Variants in SEZ6L observed in about 807,000 individuals in gnomAD.
The protein encoded by SEZ6L is seizure 6-like protein.
SEZ6L carries 37 observed loss-of-function variants against 106.2 expected under a neutral mutation model. That is an observed-to-expected ratio of 0.35 (90% confidence interval 0.27 to 0.46). The LOEUF (loss-of-function observed/expected upper bound fraction) is 0.46. SEZ6L is among the 20% of genes least tolerant of loss of function. SEZ6L has a pLI of 1.00. For missense variants in SEZ6L, 1,172 were observed against 1,332.8 expected, an observed-to-expected ratio of 0.88 and a Z score of 1.88; for synonymous variants, 541 against 570.4, an observed-to-expected ratio of 0.95 and a Z score of 0.73.
At chr22:26,249,222 GTTAA>G (rs1389323948) in intron 1 of SEZ6L, among the ~76,000 whole-genome samples, 6 of 152,038 alleles carry the variant, frequency 3.9e-5, no homozygotes, top group African/African-American at 7.3e-5. Flanking sequence ...ACAATCAATT[GTTAA>G]TTATAGTCAC....
At chr22:26,259,619 T>A (rs1205281092) in intron 1 of SEZ6L, among the ~76,000 whole-genome samples, 1 of 152,208 alleles carries the variant, frequency 6.6e-6, no homozygotes, top group Non-Finnish European at 1.5e-5. Context: ...CTGAGGCTTC[T>A]TAACACAGGT....
chr22:26,377,627 C>A, intron 15 of SEZ6L, 46 bp from the exon 16 acceptor site: 1 of 1,470,450 alleles, frequency 6.8e-7, no homozygotes, highest in Non-Finnish European at 9.5e-7. Context: ...TGTAATGTTT[C>A]TCCTAGCTGG....
chr22:26,209,851 T>TGAAGGAAAGAAGGAAGAGAGGAAG (rs1569381831), intron 1 of SEZ6L, among the ~76,000 whole-genome samples: 5 of 70,976 alleles, frequency 7.0e-5, no homozygotes, highest in African/African-American at 3.3e-4. Context: ...AAGGAAGGAA[T>TGAAGGAAAGAAGGAAGAGAGGAAG]GAAGGAAAGA....
intron 10 of SEZ6L, among the ~76,000 whole-genome samples, chr22:26,340,955 TTA>T (rs796700665): frequency 7.9e-5 from 12 of 151,322 alleles, no homozygotes; most frequent in African/African-American, 2.9e-4. Flanking sequence ...GCCTCATAAC[TTA>T]TGTTTCATGT....
chr22:26,300,616 C>T (rs1009119995), intron 5 of SEZ6L, among the ~76,000 whole-genome samples: 2 of 152,156 alleles, frequency 1.3e-5, no homozygotes, highest in Non-Finnish European at 1.5e-5. Context: ...AGTAAACATA[C>T]GTGTGCATGT....
intron 11 of SEZ6L, 143 bp from the exon 12 acceptor site, chr22:26,350,909 G>T (rs1205305786): frequency 1.0e-5 from 7 of 683,012 alleles, no homozygotes; most frequent in Middle Eastern, 4.3e-4. Flanking sequence ...ACCCGCCTCG[G>T]CCTCCCAAAT....
chr22:26,361,061 T>A (rs1568943189), intron 12 of SEZ6L, among the ~76,000 whole-genome samples: 1 of 152,180 alleles, frequency 6.6e-6, no homozygotes, highest in Admixed American at 6.5e-5. Flanking sequence ...ATGAACTTTT[T>A]GTGAGTCGTT....
rs532864506 is a variant in SEZ6L at position 26,266,939 on chromosome 22, G to A, written c.95-25467G>A. Among the ~76,000 whole-genome samples, 39 of 152,328 alleles carry A rather than the reference G, an allele frequency of 2.6e-4. No homozygotes were observed. In the South Asian group the frequency reaches 7.0e-3, roughly 28 times the overall value. On this transcript the variant is annotated intron_variant, in intron 1 of 16. Transcript: ENST00000248933. The stretch of plus-strand genomic sequence containing the variant: ...AAGCACCTATTTCTATCAAAGGGAT[G>A]TAAAGAAGGCTTTGCAAAGAAATGA...
chr22:26,263,499 T>G (rs2145822998), intron 1 of SEZ6L, among the ~76,000 whole-genome samples: 1 of 152,340 alleles, frequency 6.6e-6, no homozygotes. Context: ...AATGAAAAGT[T>G]CTGTGACTCC....
chr22:26,369,187 A>T, intron 13 of SEZ6L, among the ~76,000 whole-genome samples: 1 of 151,796 alleles, frequency 6.6e-6, no homozygotes, highest in East Asian at 1.9e-4. Context: ...CACTGGGTCT[A>T]AAGCAGGACC....
chr22:26,221,440 G>T (rs2078466509), intron 1 of SEZ6L, among the ~76,000 whole-genome samples: 1 of 152,116 alleles, frequency 6.6e-6, no homozygotes, highest in South Asian at 2.1e-4. Context: ...CTGTCACTTT[G>T]CTAGAAAGTG....
At chr22:26,357,342 C>T (rs927778603) in intron 12 of SEZ6L, among the ~76,000 whole-genome samples, 2 of 152,228 alleles carry the variant, frequency 1.3e-5, no homozygotes, top group Non-Finnish European at 2.9e-5. Flanking sequence ...GGCACTAGCC[C>T]CTGGAAAAAC....
chr22:26,197,953 G>T (rs572510714), intron 1 of SEZ6L, among the ~76,000 whole-genome samples: 1 of 152,152 alleles, frequency 6.6e-6, no homozygotes, highest in Non-Finnish European at 1.5e-5. Flanking sequence ...CCCTGGCATG[G>T]TCGTCTCTCT....
At chr22:26,199,701 CA>C (rs1038662701) in intron 1 of SEZ6L, among the ~76,000 whole-genome samples, 1 of 152,152 alleles carries the variant, frequency 6.6e-6, no homozygotes, top group African/African-American at 2.4e-5. Flanking sequence ...AGCTTTTTAG[CA>C]GTTTGGTGAA....
intron 1 of SEZ6L, among the ~76,000 whole-genome samples, chr22:26,191,783 T>A (rs918472957): frequency 1.3e-5 from 2 of 152,204 alleles, no homozygotes; most frequent in South Asian, 2.1e-4. Flanking sequence ...TGCCATCAAC[T>A]AAGTCCTTTC....
intron 12 of SEZ6L, among the ~76,000 whole-genome samples, chr22:26,356,638 T>C (rs1047459816): frequency 1.5e-5 from 2 of 137,892 alleles, no homozygotes; most frequent in Admixed American, 7.6e-5. Flanking sequence ...CAAGATTCTG[T>C]CTCAAATAAT....
chr22:26,182,219 G>A (rs1353777756), intron 1 of SEZ6L, among the ~76,000 whole-genome samples: 1 of 152,178 alleles, frequency 6.6e-6, no homozygotes, highest in Non-Finnish European at 1.5e-5. Context: ...GCATATGAAT[G>A]AATGGCTGTC....
chr22:26,206,208 A>C (rs1421880532), intron 1 of SEZ6L, among the ~76,000 whole-genome samples: 2 of 152,126 alleles, frequency 1.3e-5, no homozygotes, highest in African/African-American at 4.8e-5. Flanking sequence ...TAACCTCTTC[A>C]TTCTACTCCC....
intron 1 of SEZ6L, among the ~76,000 whole-genome samples, chr22:26,247,144 C>T (rs1190119887): frequency 6.6e-6 from 1 of 152,132 alleles, no homozygotes. Flanking sequence ...TTTGCCCACA[C>T]CAGGCACACT....
Sources: allele counts gnomAD v4.1 joint callset (sites outside exome capture counted in the v4.1 genomes callset), GRCh38; gene constraint gnomAD v4.1.1; transcripts MANE v1.5; gene names NCBI Gene and HGNC (gene_info 2026-07-23, HGNC 2026-07-21).